DNAH11: variants seen among roughly 807,000 people sequenced by gnomAD.
DNAH11 encodes the protein axonemal beta dynein heavy chain 11.
Under a neutral mutation model 526.0 loss-of-function variants are expected in DNAH11, and 442 were observed. That is an observed-to-expected ratio of 0.84 (90% CI 0.78 to 0.91). DNAH11 has a LOEUF of 0.91. DNAH11 is among the 40% of genes least tolerant of loss of function. The pLI is 0.00. For synonymous variants in DNAH11, 2,461 were observed against 1,935.9 expected (o/e 1.27, Z -7.12); for missense variants, 6,989 against 5,448.7 (o/e 1.28, Z -8.90).
intron 8 of DNAH11, 66 bp downstream of exon 8, chr7:21,572,039 A>G (rs903543058): frequency 1.5e-6 from 2 of 1,345,246 alleles, no homozygotes; most frequent in African/African-American, 3.0e-5. Flanking sequence ...AAAGGAAGAT[A>G]GGTCACAGTG....
At chr7:21,672,312 G>T (rs1180104333) in intron 30 of DNAH11, among the ~76,000 whole-genome samples, 1 of 152,182 alleles carries the variant, frequency 6.6e-6, no homozygotes. Flanking sequence ...AAGAGAGTGT[G>T]TCTCGCTCTA....
rs1302830493 is a variant in DNAH11, at chr7:21,561,116, A to T, written c.928A>T (p.Lys310Ter). The T allele has an allele frequency of 6.2e-7, 1 of 1,605,498 alleles. No individual in the cohort carries two copies. Among genetic ancestry groups the T allele is most frequent in the East Asian group, 2.2e-5 (1 of 44,654 alleles). The change falls in exon 5 of 82, where the codon AAA becomes TAA. Residue 310 changes from lysine (K) to a stop codon, truncating the protein, a stop_gained. Coordinates refer to ENST00000409508, the MANE Select transcript of DNAH11 (RefSeq NM_001277115.2). LOFTEE classifies it high-confidence loss of function. The stretch of plus-strand genomic sequence containing the variant: ...CAAAATGGTTAAGATCCTGACAACT[A>T]AACAAAGCAGCTATTTTCCTACTCT... ...VLKMVKILTT[K>*]QSSYFPTLKD...
At chr7:21,635,608 G>A (rs1028126340) in intron 25 of DNAH11, among the ~76,000 whole-genome samples, 1 of 147,808 alleles carries the variant, frequency 6.8e-6, no homozygotes, top group Non-Finnish European at 1.5e-5. Flanking sequence ...TAGATGCAGG[G>A]CCTTCTTGAG....
intron 25 of DNAH11, among the ~76,000 whole-genome samples, chr7:21,630,218 A>G (rs905705308): frequency 6.6e-5 from 10 of 151,442 alleles, no homozygotes; most frequent in African/African-American, 2.2e-4. Context: ...CCTTCCCCCC[A>G]CCCCACATTT....
chr7:21,673,267 C>A (rs893859969), intron 30 of DNAH11, among the ~76,000 whole-genome samples: 9 of 152,068 alleles, frequency 5.9e-5, no homozygotes, highest in Non-Finnish European at 1.0e-4. Flanking sequence ...GTGTACTAGA[C>A]CCTGGCTCCA....
chr7:21,572,111 A>AG (rs1200147422), intron 8 of DNAH11, 138 bp downstream of exon 8: 5 of 673,800 alleles, frequency 7.4e-6, no homozygotes, highest in Non-Finnish European at 1.1e-5. Context: ...ACTTGCCTGA[A>AG]GTCTTGTAGC....
At chr7:21,555,202 T>C (rs942161507) in intron 2 of DNAH11, among the ~76,000 whole-genome samples, 1 of 152,172 alleles carries the variant, frequency 6.6e-6, no homozygotes, top group Non-Finnish European at 1.5e-5. Context: ...TACACCCAAT[T>C]TTTATCTGAG....
chr7:21,795,387 G>A (rs1001183795), intron 61 of DNAH11, among the ~76,000 whole-genome samples: 1 of 152,006 alleles, frequency 6.6e-6, no homozygotes, highest in Admixed American at 6.6e-5. Flanking sequence ...GGACTTTAGG[G>A]GAACTCCTTG....
At chr7:21,755,853 C>G (rs2128494649) in intron 54 of DNAH11, among the ~76,000 whole-genome samples, 1 of 152,180 alleles carries the variant, frequency 6.6e-6, no homozygotes, top group South Asian at 2.1e-4. Context: ...TTCTAAATAA[C>G]TATTTGTAGA....
intron 45 of DNAH11, among the ~76,000 whole-genome samples, chr7:21,734,252 T>C (rs538188608): frequency 1.2e-4 from 18 of 152,360 alleles, no homozygotes; most frequent in Non-Finnish European, 2.5e-4. Context: ...AGGTTTGTTA[T>C]GGGTGTCTTA....
intron 6 of DNAH11, 118 bp from the exon 7 acceptor site, chr7:21,569,951 C>T (rs1233343720): frequency 1.3e-6 from 1 of 760,188 alleles, no homozygotes; most frequent in Non-Finnish European, 2.0e-6. Context: ...TTTCTTTCAG[C>T]ATTGCTGGCC....
At chr7:21,560,937 C>A in intron 4 of DNAH11, 134 bp from the exon 5 acceptor site, 25 of 607,752 alleles carry the variant, frequency 4.1e-5, no homozygotes, top group East Asian at 6.5e-5. Flanking sequence ...AACTGGAAAC[C>A]AGATATAACT....
At position 21,765,457 on chromosome 7, in the gene DNAH11, C is replaced by A. The variant is rs775650472; in HGVS notation, c.8970C>A (p.Arg2990=). ...TTTTGTGTTTCTCTCCAGTTGGTCG[C>A]ACGCTGAGAGTTAGAGCTCGGAAGT... The part of the protein sequence containing the change: ...KIILCFSPVG[R]TLRVRARKFP... Residue 2990 remains arginine, a synonymous_variant, in exon 55 of 82, where the codon CGC becomes CGA. Coordinates refer to ENST00000409508, the MANE Select transcript of DNAH11 (RefSeq NM_001277115.2). 1 of 1,613,896 alleles carries A rather than the reference C, an allele frequency of 6.2e-7. No individual in the cohort carries two copies. The highest frequency in any genetic ancestry group is 1.1e-5 in the South Asian group (1 of 91,078).
At chr7:21,553,671 C>T (rs62441663) in intron 2 of DNAH11, among the ~76,000 whole-genome samples, 54,236 of 151,938 alleles carry the variant, frequency 0.36, 10,004 homozygotes, top group Non-Finnish European at 0.41. Flanking sequence ...GTAACATCCC[C>T]TCATAGTCTT....
chr7:21,822,080 T>TAC (rs1790077486), intron 65 of DNAH11, among the ~76,000 whole-genome samples: 1 of 152,216 alleles, frequency 6.6e-6, no homozygotes, highest in South Asian at 2.1e-4. Context: ...TGTGTATATA[T>TAC]ACCACAATTT....
At position 21,619,136 on chromosome 7, in the gene DNAH11, G is replaced by C. The variant is rs774040867; in HGVS notation, c.4291G>C (p.Asp1431His). 3 of 1,613,694 alleles carry C rather than the reference G, an allele frequency of 1.9e-6. No individual in the cohort carries two copies. The Admixed American group carries it at 5.0e-5, about 27-fold the overall frequency. The change falls in exon 24 of 82, where the codon GAT (aspartate) becomes CAT (histidine). Residue 1431 changes from aspartate (D) to histidine (H), a missense_variant. Physicochemically the swap from Asp to His is moderately conservative, Grantham distance 81 (BLOSUM62 -1). Coordinates refer to ENST00000409508, the MANE Select transcript of DNAH11 (RefSeq NM_001277115.2). ...AATAAATGAAGCCACAACTTTGGCA[G>C]ATTTGTTAGCACTGCGGTTACACAG... ...FLINEATTLA[D>H]LLALRLHRVE...
chr7:21,639,499 G>T (rs1032321379), intron 28 of DNAH11, among the ~76,000 whole-genome samples: 2 of 152,138 alleles, frequency 1.3e-5, no homozygotes, highest in Admixed American at 1.3e-4. Flanking sequence ...TATCTTCAGT[G>T]CTGTCCAAGT....
At chr7:21,568,858 G>A (rs1448954785) in intron 6 of DNAH11, among the ~76,000 whole-genome samples, 1 of 152,110 alleles carries the variant, frequency 6.6e-6, no homozygotes, top group Non-Finnish European at 1.5e-5. Context: ...AGAGATAAAG[G>A]TATATGGAAT....
chr7:21,624,234 A>G lies in DNAH11; in HGVS notation c.4500+4156A>G, dbSNP rs571100018. On this transcript the variant is annotated intron_variant, in intron 25 of 81. Coordinates refer to ENST00000409508, the MANE Select transcript of DNAH11 (RefSeq NM_001277115.2). ...CTTTCAGTGTGTTTGTATTATCTAC[A>G]TTTTTTCATCAATGTTTTGTGGTTT... 1.6e-4 allele frequency among the ~76,000 whole-genome samples: 24 copies of G among 152,064 alleles called. No individual in the cohort carries two copies. In the East Asian group the frequency reaches 4.7e-3, roughly 29 times the overall value.
Sources: allele counts gnomAD v4.1 joint callset (sites outside exome capture counted in the v4.1 genomes callset), GRCh38; gene constraint gnomAD v4.1.1; transcripts MANE v1.5; gene names NCBI Gene and HGNC (gene_info 2026-07-23, HGNC 2026-07-21).